The following DGKB variants were observed in gnomAD, a reference collection of about 807,000 sequenced individuals.
DGKB encodes the protein diacylglycerol kinase beta, also known as 90 kDa diacylglycerol kinase.
DGKB carries 67 observed loss-of-function variants against 114.3 expected under a neutral mutation model. The ratio of observed to expected loss-of-function variants is 0.59; its 90% confidence interval spans 0.48 to 0.72. DGKB has a LOEUF of 0.72. DGKB is among the 30% of genes least tolerant of loss of function. DGKB has a pLI of 0.00. For synonymous variants in DGKB, 398 were observed against 323.1 expected, an observed-to-expected ratio of 1.23 and a Z score of -2.49; for missense variants, 907 against 975.2, an observed-to-expected ratio of 0.93 and a Z score of 0.93.
intron 1 of DGKB, among the ~76,000 whole-genome samples, chr7:14,912,168 T>C (rs943505734): frequency 6.6e-6 from 1 of 152,266 alleles, no homozygotes; most frequent in Middle Eastern, 3.4e-3. Context: ...CTCTAGAAAT[T>C]TAAGCTTTCT....
At chr7:14,624,753 T>C (rs1310648466) in intron 14 of DGKB, among the ~76,000 whole-genome samples, 1 of 152,018 alleles carries the variant, frequency 6.6e-6, no homozygotes, top group African/African-American at 2.4e-5. Context: ...ATCCCAGCAT[T>C]TTGGGAGGCT....
At chr7:14,255,528 C>T (rs1377020445) in intron 23 of DGKB, among the ~76,000 whole-genome samples, 3 of 152,068 alleles carry the variant, frequency 2.0e-5, no homozygotes, top group African/African-American at 7.2e-5. Context: ...GAAGCACATC[C>T]AGAGATTACT....
intron 1 of DGKB, among the ~76,000 whole-genome samples, chr7:14,883,907 C>G (rs918131235): frequency 4.6e-5 from 7 of 151,916 alleles, no homozygotes; most frequent in Admixed American, 1.3e-4. Flanking sequence ...AATAAGACCA[C>G]CAATTAATAA....
chr7:14,618,411 G>C (rs1463161627), intron 15 of DGKB, among the ~76,000 whole-genome samples: 1 of 151,428 alleles, frequency 6.6e-6, no homozygotes, highest in Non-Finnish European at 1.5e-5. Context: ...CTTCTTAAAT[G>C]ACCCTTTTAT....
At chr7:14,643,505 A>T (rs1279742367) in intron 13 of DGKB, among the ~76,000 whole-genome samples, 2 of 152,136 alleles carry the variant, frequency 1.3e-5, no homozygotes, top group African/African-American at 4.8e-5. Context: ...TATTCCACTG[A>T]TATTCCCCTA....
chr7:14,303,621 A>C (rs1803939092), intron 23 of DGKB, among the ~76,000 whole-genome samples: 1 of 151,964 alleles, frequency 6.6e-6, no homozygotes, highest in South Asian at 2.1e-4. Flanking sequence ...GCTTTCTTTG[A>C]AGTTCAAATG....
At chr7:14,359,832 G>A (rs912578222) in intron 21 of DGKB, among the ~76,000 whole-genome samples, 2 of 152,156 alleles carry the variant, frequency 1.3e-5, no homozygotes, top group South Asian at 2.1e-4. Context: ...TGGAGAGGAC[G>A]TGGAGAAACA....
intron 9 of DGKB, among the ~76,000 whole-genome samples, chr7:14,687,865 C>A (rs1821995695): frequency 2.0e-5 from 3 of 152,106 alleles, no homozygotes; most frequent in South Asian, 4.1e-4. Flanking sequence ...CAAGTCTGAA[C>A]GTGGGTGTTC....
intron 19 of DGKB, among the ~76,000 whole-genome samples, chr7:14,577,583 C>T (rs537391502): frequency 2.6e-5 from 4 of 151,996 alleles, no homozygotes; most frequent in African/African-American, 7.3e-5. Flanking sequence ...CGCCACTGCA[C>T]TCCAGCCTGG....
intron 13 of DGKB, among the ~76,000 whole-genome samples, chr7:14,638,873 T>TA (rs898077665): frequency 1.3e-5 from 2 of 151,574 alleles, no homozygotes; most frequent in Admixed American, 6.6e-5. Flanking sequence ...CCATCTCTAC[T>TA]AAAAAAATAC....
intron 1 of DGKB, among the ~76,000 whole-genome samples, chr7:14,972,759 C>T (rs1787549414): frequency 6.6e-6 from 1 of 151,472 alleles, no homozygotes; most frequent in African/African-American, 2.4e-5. Flanking sequence ...GTTTGTTTGC[C>T]TCTTTCAAAA....
intron 4 of DGKB, among the ~76,000 whole-genome samples, chr7:14,738,696 A>G (rs1832102680): frequency 6.6e-6 from 1 of 152,200 alleles, no homozygotes; most frequent in Non-Finnish European, 1.5e-5. Flanking sequence ...ATTACTTCAC[A>G]TGTTTTCATA....
chr7:14,764,362 C>T (rs1836148554), intron 2 of DGKB, among the ~76,000 whole-genome samples: 1 of 151,906 alleles, frequency 6.6e-6, no homozygotes, highest in South Asian at 2.1e-4. Flanking sequence ...TAGTAGCATT[C>T]AGTCCAATGT....
intron 2 of DGKB, among the ~76,000 whole-genome samples, chr7:14,827,075 G>A (rs1392819372): frequency 6.6e-6 from 1 of 152,064 alleles, no homozygotes; most frequent in Non-Finnish European, 1.5e-5. Context: ...AAAAGACTAA[G>A]AATGGTCTAC....
chr7:14,738,995 G>T (rs939871311), intron 4 of DGKB, among the ~76,000 whole-genome samples: 3 of 152,204 alleles, frequency 2.0e-5, no homozygotes, highest in Non-Finnish European at 2.9e-5. Context: ...AAGGGGCAAA[G>T]AATTTATCTG....
At chr7:14,576,741 A>G (rs548067132) in intron 19 of DGKB, among the ~76,000 whole-genome samples, 51 of 152,338 alleles carry the variant, frequency 3.3e-4, no homozygotes, top group African/African-American at 1.2e-3. Context: ...GAATGAATGT[A>G]GTGAAAATCA....
At chr7:14,222,922 TTTG>T (rs1790229050) in intron 23 of DGKB, among the ~76,000 whole-genome samples, 1 of 151,690 alleles carries the variant, frequency 6.6e-6, no homozygotes, top group Admixed American at 6.6e-5. Flanking sequence ...GGTATCATTC[TTTG>T]TTTTAAACTC....
rs572249401 is a variant in DGKB, at chr7:14,180,729, C to T, written c.2123-2578G>A. On this transcript the variant is annotated intron_variant, in intron 23 of 25. Transcript: ENST00000402815. ...TCTGTCTGTATACAATTGATGCCCCCTACCTGTTAATCTTTGAGATCAGGG... is the reference window on the plus strand; with the variant it reads ...TCTGTCTGTATACAATTGATGCCCCTTACCTGTTAATCTTTGAGATCAGGG... 3.9e-5 allele frequency among the ~76,000 whole-genome samples: 6 copies of T among 152,266 alleles called. No individual in the cohort carries two copies. In the South Asian group the frequency reaches 1.0e-3, roughly 26 times the overall value.
At chr7:14,563,603 A>C (rs1452665830) in intron 20 of DGKB, among the ~76,000 whole-genome samples, 3 of 137,776 alleles carry the variant, frequency 2.2e-5, no homozygotes, top group African/African-American at 8.1e-5. Context: ...TCTTTATAAG[A>C]GTTATTTTAA....
Sources: allele counts gnomAD v4.1 joint callset (sites outside exome capture counted in the v4.1 genomes callset), GRCh38; gene constraint gnomAD v4.1.1; transcripts MANE v1.5; gene names NCBI Gene and HGNC (gene_info 2026-07-23, HGNC 2026-07-21).